APCDD1L: variants seen among roughly 807,000 people sequenced by gnomAD.
APCDD1L encodes protein APCDD1-like.
A neutral mutation model predicts 24.2 loss-of-function variants in APCDD1L; 21 were observed. The ratio of observed to expected loss-of-function variants is 0.87; its 90% CI spans 0.61 to 1.25. The LOEUF (loss-of-function observed/expected upper bound fraction) is 1.25. Ranked by LOEUF, APCDD1L falls within the 50% of genes most tolerant of loss-of-function variation. The pLI is 0.00. For synonymous variants in APCDD1L, 321 were observed against 323.6 expected, an observed-to-expected ratio of 0.99 and a Z score of 0.09; for missense variants, 704 against 711.7, an observed-to-expected ratio of 0.99 and a Z score of 0.12.
intron 1 of APCDD1L, among the ~76,000 whole-genome samples, chr20:58,481,682 T>TGAGCTTTGGTTGGGGC (rs1227911432): frequency 2.0e-5 from 3 of 152,106 alleles, no homozygotes; most frequent in Non-Finnish European, 4.4e-5. Context: ...GGGGCCCTCT[T>TGAGCTTTGGTTGGGGC]GAGCTTTGGT....
chr20:58,513,677 A>C (rs1600888085), intron 1 of APCDD1L: 25 of 389,094 alleles, frequency 6.4e-5, no homozygotes, highest in South Asian at 4.9e-4. Flanking sequence ...ACATGAGCTC[A>C]GTGCCAGGCA....
intron 1 of APCDD1L, among the ~76,000 whole-genome samples, chr20:58,479,310 A>G (rs1032115215): frequency 1.3e-5 from 2 of 152,216 alleles, no homozygotes; most frequent in African/African-American, 4.8e-5. Context: ...AACTTGGTGT[A>G]TATTTTATAC....
chr20:58,498,863 C>T (rs1385959248), intron 1 of APCDD1L, among the ~76,000 whole-genome samples: 1 of 152,236 alleles, frequency 6.6e-6, no homozygotes, highest in Admixed American at 6.5e-5. Flanking sequence ...CTGCTTTTGG[C>T]CCCCTGAGGC....
At chr20:58,466,901 G>A (rs1346063296) in intron 3 of APCDD1L, among the ~76,000 whole-genome samples, 1 of 152,186 alleles carries the variant, frequency 6.6e-6, no homozygotes, top group African/African-American at 2.4e-5. Flanking sequence ...CCTTGTAAAG[G>A]CTGAAAAAAG....
chr20:58,486,992 G>T (rs1990130981), intron 1 of APCDD1L, among the ~76,000 whole-genome samples: 2 of 149,830 alleles, frequency 1.3e-5, no homozygotes, highest in South Asian at 2.1e-4. Flanking sequence ...CTCCCAAGTA[G>T]CTGGGATTAC....
intron 3 of APCDD1L, among the ~76,000 whole-genome samples, chr20:58,463,599 C>T (rs1392348534): frequency 6.6e-6 from 1 of 152,148 alleles, no homozygotes; most frequent in Non-Finnish European, 1.5e-5. Flanking sequence ...GGCCAGAGCG[C>T]CGTTCTGGAA....
At chr20:58,489,857 A>G (rs1990192216) in intron 1 of APCDD1L, among the ~76,000 whole-genome samples, 1 of 152,158 alleles carries the variant, frequency 6.6e-6, no homozygotes, top group Admixed American at 6.6e-5. Context: ...CTTAAGAAAA[A>G]GAATGGAAAT....
At chr20:58,493,028 G>A (rs1396881220) in intron 1 of APCDD1L, among the ~76,000 whole-genome samples, 15 of 101,240 alleles carry the variant, frequency 1.5e-4, no homozygotes, top group Non-Finnish European at 2.6e-4. Flanking sequence ...TCACACACAA[G>A]GCAAGCATAC....
Position 58,508,460 on chromosome 20 carries a change from G to A in APCDD1L, c.49+6199C>T, listed in dbSNP as rs1179233186. On this transcript the variant is annotated intron_variant, in intron 1 of 3. Transcript: ENST00000371149. The surrounding 1 kb of genome is among the most constrained non-coding windows in gnomAD (Gnocchi z 4.0). ...AGCTGATGTGCTTTACATCTTGACA[G>A]CATACAAGGCTTTTAAATCTCAAAA... Among the ~76,000 whole-genome samples the A allele has an allele frequency of 2.0e-5, 3 of 152,230 alleles. No homozygotes were observed. The highest frequency in any genetic ancestry group is 4.4e-5 in the Non-Finnish European group (3 of 68,046).
At chr20:58,484,965 T>TTTA (rs1555822501) in intron 1 of APCDD1L, among the ~76,000 whole-genome samples, 5 of 152,056 alleles carry the variant, frequency 3.3e-5, no homozygotes, top group African/African-American at 1.2e-4. Flanking sequence ...TTTTTTTTTT[T>TTTA]ATGAATGCAA....
At chr20:58,513,233 G>A (rs6070490) in intron 1 of APCDD1L, among the ~76,000 whole-genome samples, 11,552 of 152,168 alleles carry the variant, frequency 0.076, 578 homozygotes, top group Non-Finnish European at 0.1. Context: ...CCCAGCAGAG[G>A]CGCGCTTCCA....
chr20:58,486,447 G>C (rs889123498), intron 1 of APCDD1L, among the ~76,000 whole-genome samples: 101 of 152,106 alleles, frequency 6.6e-4, no homozygotes, highest in African/African-American at 2.3e-3. Context: ...TGCAAACTAA[G>C]ACAAAGAGGT....
chr20:58,511,232 C>T (rs569815853), intron 1 of APCDD1L, among the ~76,000 whole-genome samples: 13 of 152,312 alleles, frequency 8.5e-5, no homozygotes, highest in South Asian at 4.1e-4. Flanking sequence ...AACCACCTTC[C>T]GTGCCAACTT....
intron 3 of APCDD1L, among the ~76,000 whole-genome samples, chr20:58,462,843 C>CAAAAAAAA (rs59846654): frequency 3.5e-5 from 4 of 114,278 alleles, no homozygotes; most frequent in Non-Finnish European, 3.7e-5. Context: ...GACACCATCT[C>CAAAAAAAA]AAAAAAAAAA....
chr20:58,494,832 G>A lies in APCDD1L; in HGVS notation c.49+19827C>T, dbSNP rs1990290505. On this transcript the variant is annotated intron_variant, in intron 1 of 3. Coordinates refer to ENST00000371149, the MANE Select transcript of APCDD1L (RefSeq NM_153360.3). The surrounding 1 kb of genome is among the most constrained non-coding windows in gnomAD (Gnocchi z 4.8). The stretch of plus-strand genomic sequence containing the variant: ...CCCACTGAGCGCCTGGCAGTCCCTT[G>A]GCCACACCCCACTTGTACCCACCCT... 6.6e-6 allele frequency among the ~76,000 whole-genome samples: 1 copy of A among 152,072 alleles called. No homozygotes were observed. The highest frequency in any genetic ancestry group is 6.5e-5 in the Admixed American group (1 of 15,276).
intron 1 of APCDD1L, among the ~76,000 whole-genome samples, chr20:58,473,575 G>C (rs1160761144): frequency 7.0e-6 from 1 of 142,892 alleles, no homozygotes; most frequent in Non-Finnish European, 1.5e-5. Flanking sequence ...TAGCTCTTGG[G>C]GTAGATGTTG....
At chr20:58,500,321 G>A (rs1568751497) in intron 1 of APCDD1L, among the ~76,000 whole-genome samples, 1 of 152,072 alleles carries the variant, frequency 6.6e-6, no homozygotes, top group Non-Finnish European at 1.5e-5. Flanking sequence ...GCATCACAAC[G>A]GATTCAGTCA....
Position 58,460,740 on chromosome 20 carries a change from G to C in APCDD1L, c.*50C>G. 2 of 1,500,922 alleles carry C rather than the reference G, an allele frequency of 1.3e-6. No homozygotes were observed. The highest frequency in any genetic ancestry group is 1.8e-6 in the Non-Finnish European group (2 of 1,123,932). The allele number at this position is 1,500,922 out of a possible 1,614,324, so 93.0% of individuals were successfully genotyped here. On this transcript the variant is annotated 3_prime_UTR_variant, in exon 4 of 4. Coordinates refer to ENST00000371149, the MANE Select transcript of APCDD1L (RefSeq NM_153360.3). This position sits in a 1 kb window ranked among gnomAD's most constrained non-coding sequence, Gnocchi z 4.2. ...CCCTACAGCTGCCAGGAGGGAGTCT[G>C]AAGGGTTGAATGGGTGTCCAGAGCC...
In APCDD1L at chr20:58,467,625, G is replaced by A. The variant is rs1989742052; in HGVS notation, c.222C>T (p.Thr74=). The change falls in exon 3 of 4, where the codon ACC becomes ACT. Residue 74 remains threonine, a synonymous_variant. Transcript: ENST00000371149. The surrounding 1 kb of genome is among the most constrained non-coding windows in gnomAD (Gnocchi z 5.9). ...GGCTGGGGTAGAAGGTGTAGGCGCG[G>A]GTCAGGAACTCCGGTCCTGGGCGCA... is the stretch of plus-strand genomic sequence containing the variant. ...CEVRPGPEFL[T]RAYTFYPSRL... The A allele has an allele frequency of 2.0e-6, 3 of 1,522,714 alleles. No homozygotes were observed. The highest frequency in any genetic ancestry group is 4.0e-5 in the Admixed American group (2 of 50,436). 94.3% of individuals were successfully genotyped at this position (1,522,714 alleles called of 1,614,324 possible).
Sources: gnomAD v4.1 joint callset for allele counts (sites outside exome capture counted in the v4.1 genomes callset) on GRCh38, gnomAD v4.1.1 for gene constraint, Gnocchi (gnomAD v3.1) non-coding constraint, MANE v1.5 for transcripts, NCBI Gene and HGNC (gene_info 2026-07-23, HGNC 2026-07-21) for gene names.